PLD5: variants seen among roughly 807,000 people sequenced by gnomAD.
PLD5 encodes inactive phospholipase D5.
In PLD5, 36 loss-of-function variants were observed where a neutral mutation model predicts 61.1. The observed-to-expected ratio is 0.59, with a 90% confidence interval of 0.45 to 0.78. The LOEUF (loss-of-function observed/expected upper bound fraction) is 0.78, where lower values mean the gene tolerates loss of function less well. PLD5 is among the 30% of genes least tolerant of loss of function. PLD5 has a pLI of 0.00. For missense variants in PLD5, 515 were observed against 644.4 expected, an observed-to-expected ratio of 0.80 and a Z score of 2.17; for synonymous variants, 243 against 242.8, an observed-to-expected ratio of 1.00 and a Z score of -0.01.
chr1:242,207,818 ATATATT>A (rs1558343876), intron 5 of PLD5, among the ~76,000 whole-genome samples: 12 of 67,838 alleles, frequency 1.8e-4, no homozygotes, highest in Non-Finnish European at 2.8e-4. Flanking sequence ...ATTTATATTT[ATATATT>A]TATATATATT....
chr1:242,277,476 G>GAA (rs75454041), intron 3 of PLD5, among the ~76,000 whole-genome samples: 145 of 87,966 alleles, frequency 1.6e-3, no homozygotes, highest in Non-Finnish European at 3.0e-3. Flanking sequence ...TGGACAGTAA[G>GAA]AAAAAAACGC....
intron 1 of PLD5, among the ~76,000 whole-genome samples, chr1:242,449,680 C>T (rs1357584705): frequency 6.6e-6 from 1 of 152,178 alleles, no homozygotes; most frequent in East Asian, 1.9e-4. Context: ...TCCCTCTTTT[C>T]CTTTTAATCT....
chr1:242,306,558 T>C (rs564983326), intron 2 of PLD5, among the ~76,000 whole-genome samples: 1,799 of 151,780 alleles, frequency 0.012, 13 homozygotes, highest in Non-Finnish European at 0.017. Context: ...ATTTTTAACA[T>C]AATCTAAGCT....
chr1:242,524,312 A>G lies in PLD5; in HGVS notation c.-36T>C. 1 of 1,371,952 alleles carries G rather than the reference A, an allele frequency of 7.3e-7. No individual in the cohort carries two copies. Among genetic ancestry groups the G allele is most frequent in the Non-Finnish European group, 9.3e-7 (1 of 1,070,896 alleles). 85.0% of individuals were successfully genotyped at this position (1,371,952 alleles called of 1,614,324 possible). A position where few individuals can be genotyped will look rare whatever the true frequency, so the allele number is the denominator to read the frequency against. ...CCGGGCGGCCGCCGGCGAGCAGCGG[A>G]CTCGGGACGGGCGCGCGGGGAGCCG... On this transcript the variant is annotated 5_prime_UTR_variant, in exon 1 of 10. Transcript: ENST00000536534.
At chr1:242,138,423 T>C (rs1663910442) in intron 5 of PLD5, among the ~76,000 whole-genome samples, 1 of 152,130 alleles carries the variant, frequency 6.6e-6, no homozygotes, top group Admixed American at 6.6e-5. Context: ...AGGGAAATAT[T>C]GCATTAGATT....
intron 1 of PLD5, among the ~76,000 whole-genome samples, chr1:242,481,440 A>G (rs112428121): frequency 0.043 from 6,593 of 152,188 alleles, 230 homozygotes; most frequent in Middle Eastern, 0.061. Context: ...AGGGTCCTAC[A>G]CCCATGGAGC....
rs542902024 is a variant in PLD5, at chr1:242,433,681, A to G, written c.190-85439T>C. On this transcript the variant is annotated intron_variant, in intron 1 of 9. Transcript: ENST00000536534. ...GGATCACAGGACAAATCAGGGTCCA[A>G]TAAATATGTACTATGTCCGATGGTA... Among the ~76,000 whole-genome samples, 4 of 152,316 alleles carry G rather than the reference A, an allele frequency of 2.6e-5. No individual in the cohort carries two copies. In the South Asian group the frequency reaches 8.3e-4, roughly 32 times the overall value.
At chr1:242,464,564 C>G (rs911870214) in intron 1 of PLD5, among the ~76,000 whole-genome samples, 2 of 152,178 alleles carry the variant, frequency 1.3e-5, no homozygotes, top group Non-Finnish European at 2.9e-5. Context: ...TCTGGTGAGA[C>G]TATAAAATAG....
Position 242,256,746 on chromosome 1 carries a change from TCATC to T in PLD5, c.607+8587_607+8590del, listed in dbSNP as rs1198606264. ...CAGCAGCACAAATGAACTAAGACTATCATCTATCTATCTATCTATCTATCTATCT... is the reference window on the plus strand; with the variant it reads ...CAGCAGCACAAATGAACTAAGACTATTATCTATCTATCTATCTATCTATCT... On this transcript the variant is annotated intron_variant, in intron 4 of 9. Transcript: ENST00000536534. The surrounding 1 kb of genome is among the most constrained non-coding windows in gnomAD (Gnocchi z 5.7). Among the ~76,000 whole-genome samples the T allele has an allele frequency of 6.0e-4, 80 of 133,824 alleles. No individual in the cohort carries two copies. The South Asian group carries it at 8.4e-3, about 14-fold the overall frequency. The allele number at this position is 133,824 out of a possible 152,430, so 87.8% of individuals were successfully genotyped here. A position where few individuals can be genotyped will look rare whatever the true frequency, so the allele number is the denominator to read the frequency against.
chr1:242,470,405 A>G (rs1667416398), intron 1 of PLD5, among the ~76,000 whole-genome samples: 1 of 151,118 alleles, frequency 6.6e-6, no homozygotes, highest in South Asian at 2.1e-4. Context: ...GAAAATTGGG[A>G]AAGGCTGTAG....
At chr1:242,317,118 C>T (rs1658061499) in intron 2 of PLD5, among the ~76,000 whole-genome samples, 1 of 151,942 alleles carries the variant, frequency 6.6e-6, no homozygotes, top group Non-Finnish European at 1.5e-5. Context: ...AGTAATTCTC[C>T]TGCCTCAGCC....
intron 1 of PLD5, among the ~76,000 whole-genome samples, chr1:242,489,170 G>A (rs1456853619): frequency 6.6e-6 from 1 of 152,058 alleles, no homozygotes; most frequent in Non-Finnish European, 1.5e-5. Context: ...CTCATCTCCA[G>A]TGACAGAAAC....
At chr1:242,403,371 A>C (rs950744564) in intron 1 of PLD5, among the ~76,000 whole-genome samples, 4 of 152,126 alleles carry the variant, frequency 2.6e-5, no homozygotes, top group Admixed American at 6.5e-5. Flanking sequence ...GGCGCAAGCC[A>C]GAATTGGGGG....
chr1:242,448,995 C>G (rs1666669513), intron 1 of PLD5, among the ~76,000 whole-genome samples: 1 of 152,144 alleles, frequency 6.6e-6, no homozygotes, highest in African/African-American at 2.4e-5. Flanking sequence ...ACAACTATTT[C>G]TTTGAAGAAT....
chr1:242,401,708 G>A (rs1197224393), intron 1 of PLD5, among the ~76,000 whole-genome samples: 4 of 152,080 alleles, frequency 2.6e-5, no homozygotes, highest in South Asian at 4.1e-4. Context: ...TCACCTCCTC[G>A]GAGAAGCTAC....
chr1:242,112,054 T>G (rs10926621), intron 7 of PLD5, among the ~76,000 whole-genome samples: 13,410 of 152,154 alleles, frequency 0.088, 671 homozygotes, highest in Middle Eastern at 0.18. Flanking sequence ...GAGAAATCAT[T>G]ATGCCATCCT....
At position 242,124,668 on chromosome 1, in the gene PLD5, G is replaced by A. The variant is rs764369508; in HGVS notation, c.736-3C>T. The A allele has an allele frequency of 1.9e-6, 3 of 1,609,976 alleles. No individual in the cohort carries two copies. Among genetic ancestry groups the A allele is most frequent in the Admixed American group, 1.7e-5 (1 of 59,462 alleles). On this transcript the variant is annotated splice_region_variant and splice_polypyrimidine_tract_variant and intron_variant, in intron 5 of 9. Transcript: ENST00000536534. ...AAGATGACACCGAGTTCTTTCATCTGTGAAATTAAAATTGAAAGCATCAAT... is the reference window on the plus strand; with the variant it reads ...AAGATGACACCGAGTTCTTTCATCTATGAAATTAAAATTGAAAGCATCAAT...
intron 9 of PLD5, 117 bp from the exon 10 acceptor site, chr1:242,090,227 G>T: frequency 7.4e-7 from 1 of 1,348,230 alleles, no homozygotes; most frequent in Non-Finnish European, 1.0e-6. Context: ...AATAACAACG[G>T]AGAGGCTGAA....
At chr1:242,214,830 A>T (rs1201554964) in intron 5 of PLD5, among the ~76,000 whole-genome samples, 1 of 147,878 alleles carries the variant, frequency 6.8e-6, no homozygotes, top group Non-Finnish European at 1.5e-5. Flanking sequence ...ATTAGTGCAC[A>T]TGCTCTTCCT....
Sources: allele counts gnomAD v4.1 joint callset (sites outside exome capture counted in the v4.1 genomes callset), GRCh38; gene constraint gnomAD v4.1.1; non-coding constraint Gnocchi (gnomAD v3.1); transcripts MANE v1.5; gene names NCBI Gene and HGNC (gene_info 2026-07-23, HGNC 2026-07-21).